Variants in LDLRAD1 observed in about 807,000 individuals in gnomAD.
The protein encoded by LDLRAD1 is low density lipoprotein receptor class A domain containing 1.
LDLRAD1 carries 17 observed loss-of-function variants against 24.8 expected under a neutral mutation model. The observed-to-expected ratio is 0.69, with a 90% CI of 0.47 to 1.03. The LOEUF (loss-of-function observed/expected upper bound fraction) is 1.03, where lower values mean the gene tolerates loss of function less well. Among genes scored for constraint, LDLRAD1 ranks in the 50% least tolerant of loss-of-function variants. The probability of loss-of-function intolerance (pLI) is 0.00; values close to 1 mark genes in which losing one functional copy is unlikely to be tolerated. For synonymous variants in LDLRAD1, 103 were observed against 108.2 expected, an observed-to-expected ratio of 0.95 and a Z score of 0.30; for missense variants, 277 against 271.0, an observed-to-expected ratio of 1.02 and a Z score of -0.16.
In LDLRAD1 at chr1:54,008,900, T is replaced by TATTATTAAAAAA; in HGVS notation, c.*81_*82insTTTTTTAATAAT. 14 of 1,191,170 alleles carry TATTATTAAAAAA rather than the reference T, an allele frequency of 1.2e-5. No individual in the cohort carries two copies. The highest frequency in any genetic ancestry group is 4.1e-5 in the South Asian group (2 of 48,960). The allele number at this position is 1,191,170 out of a possible 1,614,324, so 73.8% of individuals were successfully genotyped here. A position where few individuals can be genotyped will look rare whatever the true frequency, so the allele number is the denominator to read the frequency against. On this transcript the variant is annotated 3_prime_UTR_variant, in exon 6 of 6. Transcript: ENST00000371360. The stretch of plus-strand genomic sequence containing the variant: ...CCATTTCAAAGGCTGCTTCCTGCCC[T>TATTATTAAAAAA]TGTGCGCTAGGATTTGATTTTCATG...
At chr1:54,017,314 G>T (rs1200771624) in intron 2 of LDLRAD1, 62 bp downstream of exon 2, 3 of 1,404,830 alleles carry the variant, frequency 2.1e-6, no homozygotes, top group Non-Finnish European at 3.0e-6. Flanking sequence ...TGTCTCTATC[G>T]CCAACTGCCA....
At chr1:54,012,040 A>G in intron 4 of LDLRAD1, 103 bp downstream of exon 4, 1 of 1,409,064 alleles carries the variant, frequency 7.1e-7, no homozygotes, top group African/African-American at 1.4e-5. Context: ...TGGAGCATCA[A>G]AGCCATGGGG....
chr1:54,017,311 A>G, intron 2 of LDLRAD1, 65 bp downstream of exon 2: 1 of 1,374,154 alleles, frequency 7.3e-7, no homozygotes, highest in Non-Finnish European at 1.0e-6. Flanking sequence ...TCATGTCTCT[A>G]TCGCCAACTG....
chr1:54,017,959 AGGGC>A, intron 1 of LDLRAD1, 129 bp downstream of exon 1: 3 of 834,642 alleles, frequency 3.6e-6, no homozygotes, highest in Non-Finnish European at 6.3e-6. Flanking sequence ...GAGCCTGGTC[AGGGC>A]GGCTCTTACC....
At chr1:54,015,240 G>A (rs1656253496) in intron 2 of LDLRAD1, among the ~76,000 whole-genome samples, 1 of 152,124 alleles carries the variant, frequency 6.6e-6, no homozygotes, top group South Asian at 2.1e-4. Context: ...AAAATGCTGG[G>A]ACAACAGGCG....
In LDLRAD1 at chr1:54,009,023, A is replaced by G; in HGVS notation, c.577T>C (p.Cys193Arg). The change falls in exon 6 of 6, where the codon TGC becomes CGC. Residue 193 changes from cysteine to arginine, a missense_variant. Coordinates refer to ENST00000371360, the MANE Select transcript of LDLRAD1 (RefSeq NM_001010978.4). ...RHLCRDHVQH[C>R]SDWSDEYACP... is the part of the protein sequence containing the mutation. ...GCATACTCATCGGACCAGTCGGAGCAGTGCTGTACATGGTCGCGGCAGAGA... is the reference window on the plus strand; with the variant it reads ...GCATACTCATCGGACCAGTCGGAGCGGTGCTGTACATGGTCGCGGCAGAGA... 6.2e-7 allele frequency: 1 copy of G among 1,614,080 alleles called. No individual in the cohort carries two copies. The highest frequency in any genetic ancestry group is 1.1e-5 in the South Asian group (1 of 91,074).
chr1:54,010,108 T>C (rs955481772), intron 5 of LDLRAD1, among the ~76,000 whole-genome samples, 174 bp downstream of exon 5: 1 of 152,132 alleles, frequency 6.6e-6, no homozygotes, highest in Non-Finnish European at 1.5e-5. Flanking sequence ...AAAAAGTCAC[T>C]TGGAGTGGTA....
intron 4 of LDLRAD1, 72 bp from the exon 5 acceptor site, chr1:54,010,482 G>C: frequency 6.5e-7 from 1 of 1,538,778 alleles, no homozygotes; most frequent in Non-Finnish European, 8.9e-7. Flanking sequence ...TCGGGAGGAG[G>C]ATTGACCACC....
At chr1:54,017,227 G>T in intron 2 of LDLRAD1, 149 bp downstream of exon 2, 1 of 640,756 alleles carries the variant, frequency 1.6e-6, no homozygotes, top group Non-Finnish European at 2.8e-6. Context: ...AGCATGGCTG[G>T]CCAGGAAGCT....
Position 54,012,178 on chromosome 1 carries a change from C to T in LDLRAD1, c.305G>A (p.Cys102Tyr). Residue 102 changes from cysteine (C) to tyrosine (Y), a missense_variant, in exon 4 of 6, where the codon TGT (cysteine) becomes TAT (tyrosine). Transcript: ENST00000371360. ...ASGVCDGVRT[C>Y]THGEDEDESL... is the part of the protein sequence containing the mutation. ...CTCATCCTCGTCCTCGCCGTGGGTA[C>T]AGGTGCGAACGCCATCACAGACCCC... 3.1e-6 allele frequency: 5 copies of T among 1,614,154 alleles called. No homozygotes were observed. Among genetic ancestry groups the T allele is most frequent in the Non-Finnish European group, 4.2e-6 (5 of 1,180,004 alleles).
chr1:54,009,092 A>G lies in LDLRAD1; in HGVS notation c.508T>C (p.Cys170Arg). 1 of 1,613,988 alleles carries G rather than the reference A, an allele frequency of 6.2e-7. No individual in the cohort carries two copies. Among genetic ancestry groups the G allele is most frequent in the Non-Finnish European group, 8.5e-7 (1 of 1,179,976 alleles). The change falls in exon 6 of 6, where the codon TGT (cysteine) becomes CGT (arginine). Residue 170 changes from cysteine to arginine, a missense_variant. Coordinates refer to ENST00000371360, the MANE Select transcript of LDLRAD1 (RefSeq NM_001010978.4). The part of the protein sequence containing the change: ...CPPCGPGWWR[C>R]PSTFFKYCDC... The stretch of plus-strand genomic sequence containing the variant: ...CAGTACTTGAAGAAGGTTGAAGGAC[A>G]GCGCCACCACCCAGGGCCGCAGGGT...
At chr1:54,017,577 C>T (rs1227657770) in intron 1 of LDLRAD1, 150 bp from the exon 2 acceptor site, 1 of 684,016 alleles carries the variant, frequency 1.5e-6, no homozygotes, top group Non-Finnish European at 2.7e-6. Context: ...GCCCCAGATG[C>T]ATCATGCCCG....
chr1:54,014,689 C>A (rs1358420217), intron 2 of LDLRAD1, among the ~76,000 whole-genome samples: 2 of 152,234 alleles, frequency 1.3e-5, no homozygotes, highest in Non-Finnish European at 2.9e-5. Flanking sequence ...GTCCAGCCCC[C>A]ACCTTGGGGC....
rs748337068 is a variant in LDLRAD1 at position 54,009,085 on chromosome 1, G to A, written c.515C>T (p.Ser172Leu). 3.6e-5 allele frequency: 58 copies of A among 1,613,872 alleles called. No individual in the cohort carries two copies. The South Asian group carries it at 6.3e-4, about 17-fold the overall frequency. ...PCGPGWWRCPSTFFKYCDCIP... is the reference protein window; with the variant it reads ...PCGPGWWRCPLTFFKYCDCIP... ...ACAGTCGCAGTACTTGAAGAAGGTT[G>A]AAGGACAGCGCCACCACCCAGGGCC... Residue 172 changes from serine (S) to leucine (L), a missense_variant, in exon 6 of 6, where the codon TCA becomes TTA. By Grantham distance (145) the Ser-to-Leu change is moderately radical (BLOSUM62 -2). Transcript: ENST00000371360.
chr1:54,013,791 C>T (rs1456825232), intron 3 of LDLRAD1, among the ~76,000 whole-genome samples: 2 of 152,182 alleles, frequency 1.3e-5, no homozygotes, highest in South Asian at 4.1e-4. Context: ...TCCTTGAAGG[C>T]AGGCACTGTG....
At chr1:54,017,295 C>A in intron 2 of LDLRAD1, 81 bp downstream of exon 2, 1 of 1,180,848 alleles carries the variant, frequency 8.5e-7, no homozygotes, top group Admixed American at 2.0e-5. Context: ...GAGCCTTGAA[C>A]CCTCCTCATG....
At chr1:54,013,365 C>T (rs1289075362) in intron 3 of LDLRAD1, among the ~76,000 whole-genome samples, 5 of 151,906 alleles carry the variant, frequency 3.3e-5, no homozygotes. Flanking sequence ...GAATCTCAGC[C>T]CCCGCCCCCA....
intron 5 of LDLRAD1, 27 bp from the exon 6 acceptor site, chr1:54,009,157 G>A: frequency 6.2e-7 from 1 of 1,611,238 alleles, no homozygotes; most frequent in South Asian, 1.1e-5. Flanking sequence ...CAGCAGGAGA[G>A]CAGTTGCTGT....
intron 3 of LDLRAD1, among the ~76,000 whole-genome samples, chr1:54,013,730 C>G (rs1041715312): frequency 2.9e-4 from 44 of 152,150 alleles, no homozygotes; most frequent in African/African-American, 1.0e-3. Context: ...TCCCAGGGAC[C>G]CCGCTGTAAT....
Sources: allele counts gnomAD v4.1 joint callset (sites outside exome capture counted in the v4.1 genomes callset), GRCh38; gene constraint gnomAD v4.1.1; transcripts MANE v1.5; gene names NCBI Gene and HGNC (gene_info 2026-07-23, HGNC 2026-07-21).